Variants in NPFFR2 observed in about 807,000 individuals in gnomAD.
The protein encoded by NPFFR2 is neuropeptide FF receptor 2, also known as G-protein coupled receptor 74.
In NPFFR2, 15 loss-of-function variants were observed where a neutral mutation model predicts 13.1. That is an observed-to-expected ratio of 1.15 (90% CI 0.77 to 1.76). The LOEUF (loss-of-function observed/expected upper bound fraction) is 1.76, where lower values mean the gene tolerates loss of function less well. Ranked by LOEUF, NPFFR2 falls within the 40% of genes most tolerant of loss-of-function variation. NPFFR2 has a pLI of 0.00. For missense variants in NPFFR2, 572 were observed against 503.5 expected, an observed-to-expected ratio of 1.14 and a Z score of -1.30; for synonymous variants, 190 against 175.7, an observed-to-expected ratio of 1.08 and a Z score of -0.65.
chr4:72,080,517 A>T (rs556448205), intron 1 of NPFFR2, among the ~76,000 whole-genome samples: 1 of 152,250 alleles, frequency 6.6e-6, no homozygotes, highest in Admixed American at 6.5e-5. Flanking sequence ...TATACTATAC[A>T]TATTTCCATG....
chr4:72,104,188 A>G (rs1004431267), intron 1 of NPFFR2, among the ~76,000 whole-genome samples: 1 of 152,124 alleles, frequency 6.6e-6, no homozygotes, highest in Non-Finnish European at 1.5e-5. Context: ...CAGATGAAAG[A>G]ACATTCTTTC....
At chr4:72,136,549 G>T (rs1722418875) in intron 2 of NPFFR2, among the ~76,000 whole-genome samples, 2 of 152,114 alleles carry the variant, frequency 1.3e-5, no homozygotes, top group Admixed American at 1.3e-4. Context: ...CTATTCATTG[G>T]GAAATTCCCA....
chr4:72,128,967 C>T, intron 2 of NPFFR2, 48 bp downstream of exon 2: 2 of 1,382,470 alleles, frequency 1.4e-6, no homozygotes, highest in African/African-American at 2.9e-5. Context: ...ATATTTGTCC[C>T]ATATTTCAGC....
At chr4:72,080,597 A>G (rs1408993266) in intron 1 of NPFFR2, among the ~76,000 whole-genome samples, 2 of 152,180 alleles carry the variant, frequency 1.3e-5, no homozygotes, top group East Asian at 1.9e-4. Context: ...ACATTATGCT[A>G]AAATTAGAAT....
intron 2 of NPFFR2, among the ~76,000 whole-genome samples, chr4:72,136,580 A>G (rs1289236530): frequency 2.6e-5 from 4 of 152,152 alleles, no homozygotes. Flanking sequence ...TCTGCATATC[A>G]GTGTTATTGA....
At chr4:72,086,302 C>T (rs1720769011) in intron 1 of NPFFR2, among the ~76,000 whole-genome samples, 1 of 152,060 alleles carries the variant, frequency 6.6e-6, no homozygotes, top group African/African-American at 2.4e-5. Flanking sequence ...TTTCAGCTTT[C>T]TTAAGCTCTC....
At chr4:72,144,065 G>C (rs1722706324) in intron 3 of NPFFR2, among the ~76,000 whole-genome samples, 1 of 152,146 alleles carries the variant, frequency 6.6e-6, no homozygotes, top group African/African-American at 2.4e-5. Flanking sequence ...TCATGAATCT[G>C]TGATATGTAC....
At chr4:72,081,556 A>T (rs1720622278) in intron 1 of NPFFR2, among the ~76,000 whole-genome samples, 1 of 149,782 alleles carries the variant, frequency 6.7e-6, no homozygotes, top group South Asian at 2.1e-4. Flanking sequence ...TGGCATGGTC[A>T]AGCTCACTGC....
chr4:72,106,573 C>G (rs1242402585), intron 1 of NPFFR2, among the ~76,000 whole-genome samples: 2 of 151,866 alleles, frequency 1.3e-5, no homozygotes, highest in Non-Finnish European at 2.9e-5. Context: ...CTGTCCATTC[C>G]CAGGAACACC....
At chr4:72,054,563 T>C (rs1405940492) in intron 1 of NPFFR2, among the ~76,000 whole-genome samples, 1 of 151,832 alleles carries the variant, frequency 6.6e-6, no homozygotes, top group Non-Finnish European at 1.5e-5. Context: ...TGCAAACTTT[T>C]ACAGGAAAGA....
chr4:72,136,238 T>C (rs1305945708), intron 2 of NPFFR2, among the ~76,000 whole-genome samples: 1 of 152,036 alleles, frequency 6.6e-6, no homozygotes, highest in Non-Finnish European at 1.5e-5. Flanking sequence ...TGCACCTGTA[T>C]TCCCAGCTAC....
intron 3 of NPFFR2, among the ~76,000 whole-genome samples, chr4:72,144,375 G>T (rs540872729): frequency 6.6e-6 from 1 of 152,270 alleles, no homozygotes; most frequent in African/African-American, 2.4e-5. Context: ...CTATTCATGA[G>T]ACTGAGTCAT....
At position 72,147,131 on chromosome 4, in the gene NPFFR2, C is replaced by T. The variant is rs747544893; in HGVS notation, c.582C>T (p.Leu194=). Residue 194 remains leucine, a synonymous_variant, in exon 4 of 4, where the codon CTC becomes CTT. Transcript: ENST00000308744. ...VQEEKYYRVR[L]NSQNKTSPVY... The stretch of plus-strand genomic sequence containing the variant: ...AAGAAAAATATTACCGAGTGAGACT[C>T]AACTCCCAGAATAAAACCAGTCCAG... The T allele has an allele frequency of 6.2e-7, 1 of 1,614,118 alleles. No homozygotes were observed. Among genetic ancestry groups the T allele is most frequent in the Admixed American group, 1.7e-5 (1 of 60,022 alleles).
intron 1 of NPFFR2, among the ~76,000 whole-genome samples, chr4:72,061,443 G>A (rs369908022): frequency 6.6e-6 from 1 of 152,082 alleles, no homozygotes; most frequent in South Asian, 2.1e-4. Flanking sequence ...TTGAAGCTCC[G>A]GAGCCAGATC....
In NPFFR2 at chr4:72,049,334, G is replaced by A. The variant is rs138911256; in HGVS notation, c.-8+17134G>A. ...AAATCTACAAAGGAGCATCAACTTA[G>A]TGTCCTCATAAAAGACATATATGTG... On this transcript the variant is annotated intron_variant, in intron 1 of 3. Coordinates refer to ENST00000308744, the MANE Select transcript of NPFFR2 (RefSeq NM_004885.3). Among the ~76,000 whole-genome samples the A allele has an allele frequency of 9.2e-5, 14 of 152,192 alleles. No homozygotes were observed. In the East Asian group the frequency reaches 2.7e-3, roughly 29 times the overall value.
At chr4:72,131,283 C>T (rs571197990) in intron 2 of NPFFR2, among the ~76,000 whole-genome samples, 3 of 152,110 alleles carry the variant, frequency 2.0e-5, no homozygotes, top group African/African-American at 7.2e-5. Context: ...GCGCCCTTTT[C>T]TAACTAGTAT....
chr4:72,115,009 C>A (rs532041821), intron 1 of NPFFR2, among the ~76,000 whole-genome samples: 28 of 152,240 alleles, frequency 1.8e-4, no homozygotes, highest in Admixed American at 5.2e-4. Flanking sequence ...AAGTTTATAA[C>A]AGACCCTGGC....
chr4:72,050,416 A>C (rs1719509544), intron 1 of NPFFR2, among the ~76,000 whole-genome samples: 1 of 151,996 alleles, frequency 6.6e-6, no homozygotes, highest in African/African-American at 2.4e-5. Context: ...TACGTGCTTC[A>C]TTATACACTC....
intron 1 of NPFFR2, among the ~76,000 whole-genome samples, chr4:72,127,968 T>C (rs1001364815): frequency 1.3e-5 from 2 of 151,944 alleles, no homozygotes; most frequent in South Asian, 4.2e-4. Flanking sequence ...TGGTCTCAGC[T>C]ACTTGGGGGG....
Sources: allele counts gnomAD v4.1 joint callset (sites outside exome capture counted in the v4.1 genomes callset), GRCh38; gene constraint gnomAD v4.1.1; transcripts MANE v1.5; gene names NCBI Gene and HGNC (gene_info 2026-07-23, HGNC 2026-07-21).